The following MYO5A variants were observed in gnomAD, a reference collection of about 807,000 sequenced individuals.
MYO5A encodes myosin VA.
A neutral mutation model predicts 249.7 loss-of-function variants in MYO5A; 98 were observed. The ratio of observed to expected loss-of-function variants is 0.39; its 90% CI spans 0.33 to 0.46. MYO5A has a LOEUF of 0.46. MYO5A is among the 20% of genes least tolerant of loss of function. The pLI, the probability that MYO5A is intolerant of heterozygous loss-of-function variation, is 0.98. For synonymous variants in MYO5A, 778 were observed against 810.6 expected (o/e 0.96, Z 0.68); for missense variants, 1,696 against 2,308.8 (o/e 0.73, Z 5.44).
chr15:52,525,612 A>G (rs533678027), intron 1 of MYO5A, among the ~76,000 whole-genome samples: 22 of 152,336 alleles, frequency 1.4e-4, no homozygotes, highest in African/African-American at 5.3e-4. Context: ...TAAATACCAT[A>G]ATTATGGCAT....
upstream of MYO5A, chr15:52,528,901 G>T (rs1462456528): frequency 2.4e-6 from 3 of 1,242,144 alleles, no homozygotes; most frequent in African/African-American, 1.6e-5. Flanking sequence ...CGCAGCCGCC[G>T]GCAGGGAGCA....
At chr15:52,509,097 G>A (rs76302500) in intron 1 of MYO5A, among the ~76,000 whole-genome samples, 22,396 of 151,806 alleles carry the variant, frequency 0.15, 1,775 homozygotes, top group Middle Eastern at 0.22. Flanking sequence ...TCAGCCTCCT[G>A]AGTAACTGGG....
intron 36 of MYO5A, 87 bp from the exon 37 acceptor site, chr15:52,323,531 TC>T: frequency 1.1e-6 from 1 of 885,696 alleles, no homozygotes; most frequent in Non-Finnish European, 1.9e-6. Flanking sequence ...AAGACCCATT[TC>T]TTTCAGTTAC....
chr15:52,393,520 A>G (rs775735384), intron 11 of MYO5A, among the ~76,000 whole-genome samples: 5 of 151,934 alleles, frequency 3.3e-5, no homozygotes, highest in Non-Finnish European at 7.4e-5. Flanking sequence ...CAGCCTCCTG[A>G]GTAGCTGGGA....
At chr15:52,472,421 T>A (rs2076494320) in intron 1 of MYO5A, among the ~76,000 whole-genome samples, 1 of 152,056 alleles carries the variant, frequency 6.6e-6, no homozygotes, top group Non-Finnish European at 1.5e-5. Context: ...ATACTTTAAG[T>A]TCTAGGGTAC....
intron 1 of MYO5A, among the ~76,000 whole-genome samples, chr15:52,489,378 C>T (rs2141530080): frequency 6.6e-6 from 1 of 151,944 alleles, no homozygotes; most frequent in East Asian, 2.0e-4. Flanking sequence ...TCCTGATTAA[C>T]ACAGTGAAAC....
rs759343682 is a variant in MYO5A, at chr15:52,323,418, G to A, written c.4737C>T (p.Val1579=). 4 of 1,613,594 alleles carry A rather than the reference G, an allele frequency of 2.5e-6. No homozygotes were observed. The highest frequency in any genetic ancestry group is 3.4e-6 in the Non-Finnish European group (4 of 1,179,644). Residue 1579 remains valine (V), a synonymous_variant, in exon 37 of 42, where the codon GTC becomes GTT. Transcript: ENST00000399233. ...GGCATGTGTTAGAGAGCCAGAAGGAGACGGTTTCAAAATCATCACCTCTTT... is the reference window on the plus strand; with the variant it reads ...GGCATGTGTTAGAGAGCCAGAAGGAAACGGTTTCAAAATCATCACCTCTTT... ...LKKRGDDFET[V]SFWLSNTCRF...
intron 1 of MYO5A, among the ~76,000 whole-genome samples, chr15:52,502,902 T>G (rs1324414541): frequency 6.6e-6 from 1 of 152,226 alleles, no homozygotes; most frequent in Non-Finnish European, 1.5e-5. Context: ...GAGGTCATTA[T>G]GTTAAGTGAA....
intron 22 of MYO5A, among the ~76,000 whole-genome samples, chr15:52,367,707 C>G (rs1048850849): frequency 6.6e-6 from 1 of 152,102 alleles, no homozygotes; most frequent in African/African-American, 2.4e-5. Context: ...AAGAGAATTT[C>G]TCTTTCATCT....
intron 1 of MYO5A, among the ~76,000 whole-genome samples, chr15:52,448,507 A>G (rs1267656746): frequency 6.6e-6 from 1 of 152,198 alleles, no homozygotes; most frequent in Non-Finnish European, 1.5e-5. Flanking sequence ...TAATGCTGGA[A>G]TAAGTTAAGA....
Position 52,360,038 on chromosome 15 carries a change from CTGTGGGTGG to C in MYO5A, c.3344_3352del (p.Ser1115_Ser1118delinsCys), listed in dbSNP as rs1394537891. 1.2e-6 allele frequency: 2 copies of C among 1,613,796 alleles called. No homozygotes were observed. The highest frequency in any genetic ancestry group is 1.7e-6 in the Non-Finnish European group (2 of 1,179,808). On this transcript the variant is annotated inframe_deletion, in exon 25 of 42. Coordinates refer to ENST00000399233, the MANE Select transcript of MYO5A (RefSeq NM_001382347.1). ...AAAGATATATTCAGACTCGTTGCTG[CTGTGGGTGG>C]AGTCTGTTCTCTTGTGTCCAGGCTT...
chr15:52,473,575 G>A (rs965414966), intron 1 of MYO5A, among the ~76,000 whole-genome samples: 4 of 152,178 alleles, frequency 2.6e-5, no homozygotes, highest in Middle Eastern at 3.2e-3. Context: ...TTTCGTATAA[G>A]GTGTAAGGAA....
intron 7 of MYO5A, 39 bp from the exon 8 acceptor site, chr15:52,407,438 A>G: frequency 6.7e-7 from 1 of 1,494,432 alleles, no homozygotes; most frequent in Non-Finnish European, 9.3e-7. Flanking sequence ...GGTTTATGAA[A>G]AAGCCTTGCC....
chr15:52,377,853 G>A (rs1447518904), intron 18 of MYO5A, among the ~76,000 whole-genome samples: 2 of 152,140 alleles, frequency 1.3e-5, no homozygotes, highest in Non-Finnish European at 2.9e-5. Flanking sequence ...TTAAGGGCGT[G>A]AGCCACCATG....
chr15:52,384,031 T>G, intron 15 of MYO5A, 130 bp downstream of exon 15: 12 of 1,075,480 alleles, frequency 1.1e-5, no homozygotes, highest in Non-Finnish European at 1.7e-5. Flanking sequence ...TGGTGTCGTA[T>G]GATCTCACAG....
chr15:52,409,441 C>T (rs1046266517), intron 6 of MYO5A, among the ~76,000 whole-genome samples: 2 of 152,086 alleles, frequency 1.3e-5, no homozygotes, highest in Non-Finnish European at 2.9e-5. Flanking sequence ...ATTTGTATTG[C>T]CTTACTATGC....
At chr15:52,352,077 C>T (rs992032342) in intron 27 of MYO5A, among the ~76,000 whole-genome samples, 5 of 152,196 alleles carry the variant, frequency 3.3e-5, no homozygotes, top group African/African-American at 1.2e-4. Flanking sequence ...TTCTGTGTGA[C>T]GCACTTGTGA....
chr15:52,335,680 T>C (rs2039086059), intron 34 of MYO5A, among the ~76,000 whole-genome samples: 1 of 152,182 alleles, frequency 6.6e-6, no homozygotes, highest in South Asian at 2.1e-4. Context: ...TGGTTATTTC[T>C]CAAGGAATTT....
chr15:52,384,123 A>G, intron 15 of MYO5A, 38 bp downstream of exon 15: 1 of 1,613,182 alleles, frequency 6.2e-7, no homozygotes, highest in Non-Finnish European at 8.5e-7. Flanking sequence ...ATGAGCCAGA[A>G]AGGAAGGAGC....
Sources: gnomAD v4.1 joint callset for allele counts (sites outside exome capture counted in the v4.1 genomes callset) on GRCh38, gnomAD v4.1.1 for gene constraint, MANE v1.5 for transcripts, NCBI Gene and HGNC (gene_info 2026-07-23, HGNC 2026-07-21) for gene names.